The following LMF1 variants were observed in gnomAD, a reference collection of about 807,000 sequenced individuals.
LMF1 encodes transmembrane protein 112.
Under a neutral mutation model 60.6 loss-of-function variants are expected in LMF1, and 68 were observed. That is an observed-to-expected ratio of 1.12 (90% confidence interval 0.92 to 1.37). LMF1 has a LOEUF of 1.37. Among genes scored for constraint, LMF1 ranks in the 40% most tolerant of loss-of-function variants. The pLI is 0.00. For synonymous variants in LMF1, 418 were observed against 324.7 expected, an observed-to-expected ratio of 1.29 and a Z score of -3.09; for missense variants, 948 against 767.2, an observed-to-expected ratio of 1.24 and a Z score of -2.78.
upstream of LMF1, chr16:981,303 TGAGAGAGAGAGAGA>T (rs751174711): frequency 1.1e-3 from 242 of 214,440 alleles, 1 homozygote; most frequent in Middle Eastern, 6.9e-3. Flanking sequence ...TGTGTGTGTG[TGAGAGAGAGAGAGA>T]GAGAGAGAGA....
At chr16:911,168 G>C in intron 3 of LMF1, 89 bp from the exon 4 acceptor site, 1 of 1,441,410 alleles carries the variant, frequency 6.9e-7, no homozygotes, top group East Asian at 2.5e-5. Flanking sequence ...TAATGGAAAC[G>C]GTCCTTGAGA....
At chr16:856,971 T>A (rs1228113723) in intron 10 of LMF1, among the ~76,000 whole-genome samples, 1 of 152,232 alleles carries the variant, frequency 6.6e-6, no homozygotes, top group African/African-American at 2.4e-5. Flanking sequence ...CTCCCCGACC[T>A]TCGGCCTCCT....
chr16:979,883 G>A, intron 1 of LMF1: 2 of 398,862 alleles, frequency 5.0e-6, no homozygotes, highest in South Asian at 3.6e-5. Flanking sequence ...GAGTTCCGCG[G>A]GCGCCCCAGG....
chr16:955,051 GTAAACTAGACA>G, intron 1 of LMF1, among the ~76,000 whole-genome samples: 1 of 151,574 alleles, frequency 6.6e-6, no homozygotes. Flanking sequence ...ACACATCTAA[GTAAACTAGACA>G]CGTTACATAA....
chr16:914,365 C>T (rs1198147607), intron 3 of LMF1, among the ~76,000 whole-genome samples: 1 of 152,122 alleles, frequency 6.6e-6, no homozygotes, highest in Non-Finnish European at 1.5e-5. Flanking sequence ...GGAGGCTCCC[C>T]ACACCCGACC....
At chr16:877,684 G>A (rs926518606) in intron 6 of LMF1, among the ~76,000 whole-genome samples, 12 of 152,180 alleles carry the variant, frequency 7.9e-5, no homozygotes, top group African/African-American at 2.4e-4. Context: ...AGTGCGCGGG[G>A]TGGCGGGCCC....
intron 1 of LMF1, among the ~76,000 whole-genome samples, chr16:957,931 C>A (rs1268940296): frequency 6.6e-6 from 1 of 152,022 alleles, no homozygotes; most frequent in Non-Finnish European, 1.5e-5. Context: ...TCGCTTGAGC[C>A]CAGGAATTCC....
intron 5 of LMF1, among the ~76,000 whole-genome samples, chr16:891,172 C>G (rs531013814): frequency 4.8e-4 from 73 of 152,334 alleles, no homozygotes; most frequent in African/African-American, 1.2e-3. Flanking sequence ...TGGGCCCCCC[C>G]GGCCCGCCTC....
intron 1 of LMF1, among the ~76,000 whole-genome samples, chr16:978,666 A>G (rs2073247324): frequency 2.0e-5 from 3 of 152,088 alleles, no homozygotes; most frequent in African/African-American, 7.2e-5. Context: ...AAGGCCCACT[A>G]GCAGGTGGTG....
chr16:954,265 C>G (rs747230959), intron 2 of LMF1, 92 bp downstream of exon 2: 37 of 1,263,712 alleles, frequency 2.9e-5, no homozygotes, highest in Non-Finnish European at 4.0e-5. Context: ...GATAAACGCT[C>G]GTCCAGTCTT....
In LMF1 at chr16:894,638, G is replaced by C. The variant is rs1176737955; in HGVS notation, c.664-1566C>G. Among the ~76,000 whole-genome samples, 6 of 152,230 alleles carry C rather than the reference G, an allele frequency of 3.9e-5. No homozygotes were observed. In the East Asian group the frequency reaches 7.7e-4, roughly 20 times the overall value. On this transcript the variant is annotated intron_variant, in intron 4 of 10. Transcript: ENST00000262301. ...ATAAAGGACAGGAATCCATGCTGCA[G>C]GTTCGGAGGCGATGGCTGTGGTGGG...
chr16:879,623 A>C lies in LMF1; in HGVS notation c.844T>G (p.Phe282Val), dbSNP rs771171827. ...FIELLVPFFL[F>V]LGRRACIIHG... The stretch of plus-strand genomic sequence containing the variant: ...ATGATGCACGCCCGCCGGCCGAGGA[A>C]GAGGAAGAAGGGCACCAGGAGCTCG... Residue 282 changes from phenylalanine (F) to valine (V), a missense_variant, in exon 6 of 11, where the codon TTC becomes GTC. By Grantham distance (50) the Phe-to-Val change is conservative. Transcript: ENST00000262301. 1 of 1,613,474 alleles carries C rather than the reference A, an allele frequency of 6.2e-7. No individual in the cohort carries two copies. The highest frequency in any genetic ancestry group is 1.7e-5 in the Admixed American group (1 of 59,976).
In LMF1 at chr16:897,499, T is replaced by G. The variant is rs1220232559; in HGVS notation, c.664-4427A>C. Among the ~76,000 whole-genome samples the G allele has an allele frequency of 2.0e-5, 3 of 152,222 alleles. No individual in the cohort carries two copies. Among genetic ancestry groups the G allele is most frequent in the African/African-American group, 7.2e-5 (3 of 41,468 alleles). Reference sequence around the variant, plus strand: ...GTATCAGTGGCCCTTCCTCCCCACCTGTAAACACAGGGAATTACTCGCGAC... The same window carrying G: ...GTATCAGTGGCCCTTCCTCCCCACCGGTAAACACAGGGAATTACTCGCGAC... On this transcript the variant is annotated intron_variant, in intron 4 of 10. Transcript: ENST00000262301. The surrounding 1 kb of genome is among the most constrained non-coding windows in gnomAD (Gnocchi z 4.3).
Position 854,638 on chromosome 16 carries a change from T to A in LMF1, c.1598A>T (p.Lys533Met). The A allele has an allele frequency of 6.2e-7, 1 of 1,607,154 alleles. No homozygotes were observed. The highest frequency in any genetic ancestry group is 8.5e-7 in the Non-Finnish European group (1 of 1,178,524). Residue 533 changes from lysine to methionine, a missense_variant, in exon 11 of 11, where the codon AAG becomes ATG. Physicochemically the swap from Lys to Met is moderately conservative, Grantham distance 95 (BLOSUM62 -1). Transcript: ENST00000262301. ...RPGGRHAAEGKWWVRKRIGAY... is the reference protein window; with the variant it reads ...RPGGRHAAEGMWWVRKRIGAY... The stretch of plus-strand genomic sequence containing the variant: ...TCCGATCCTCTTCCGCACCCACCAC[T>A]TGCCCTCGGCGGCGTGCCTGCCCCC...
chr16:862,355 G>A (rs1477305551), intron 10 of LMF1, among the ~76,000 whole-genome samples: 1 of 151,984 alleles, frequency 6.6e-6, no homozygotes, highest in Non-Finnish European at 1.5e-5. Context: ...TGTTGGCCAG[G>A]CTGGTCTTGA....
At chr16:936,168 C>A (rs12598230) in intron 2 of LMF1, among the ~76,000 whole-genome samples, 51,158 of 97,228 alleles carry the variant, frequency 0.53, 10,950 homozygotes, top group African/African-American at 0.7. Flanking sequence ...GGCTGGGAGA[C>A]AGAGGGGGCA....
intron 6 of LMF1, among the ~76,000 whole-genome samples, chr16:875,107 G>C (rs1285435649): frequency 1.3e-5 from 2 of 152,144 alleles, no homozygotes; most frequent in African/African-American, 2.4e-5. Context: ...TGGGGCTGGA[G>C]AGGATGACGC....
intron 10 of LMF1, among the ~76,000 whole-genome samples, chr16:868,291 C>G (rs1220632538): frequency 6.6e-6 from 1 of 152,136 alleles, no homozygotes; most frequent in Non-Finnish European, 1.5e-5. Flanking sequence ...CTGAAGGCCC[C>G]AGCTCTCCCC....
At chr16:884,946 G>A (rs2070264478) in intron 5 of LMF1, 1 of 152,226 alleles carries the variant, frequency 6.6e-6, no homozygotes, top group Non-Finnish European at 1.5e-5. Context: ...ATGTTAGGTG[G>A]AGGGAGAATG....
Sources: gnomAD v4.1 joint callset for allele counts (sites outside exome capture counted in the v4.1 genomes callset) on GRCh38, gnomAD v4.1.1 for gene constraint, Gnocchi (gnomAD v3.1) non-coding constraint, MANE v1.5 for transcripts, NCBI Gene and HGNC (gene_info 2026-07-23, HGNC 2026-07-21) for gene names.